Variants in THRB observed in about 807,000 individuals in gnomAD.
THRB encodes thyroid hormone receptor beta, also known as nuclear receptor subfamily 1 group A member 2.
Under a neutral mutation model 47.8 loss-of-function variants are expected in THRB, and 12 were observed. The ratio of observed to expected loss-of-function variants is 0.25; its 90% confidence interval spans 0.16 to 0.41. The LOEUF is 0.41. Among genes scored for constraint, THRB ranks in the 10% least tolerant of loss-of-function variants. THRB has a pLI of 1.00. For synonymous variants in THRB, 218 were observed against 212.2 expected (o/e 1.03, Z -0.24); for missense variants, 348 against 589.2 (o/e 0.59, Z 4.24).
intron 1 of THRB, among the ~76,000 whole-genome samples, chr3:24,413,690 T>C (rs1202011224): frequency 2.0e-5 from 3 of 151,748 alleles, no homozygotes; most frequent in Non-Finnish European, 4.4e-5. Flanking sequence ...TTACATTAGG[T>C]ATACCTCCTA....
intron 3 of THRB, among the ~76,000 whole-genome samples, chr3:24,279,110 G>A (rs1295056622): frequency 6.6e-6 from 1 of 152,144 alleles, no homozygotes; most frequent in Non-Finnish European, 1.5e-5. Context: ...CTCCCAAAGT[G>A]CTGGAATTAC....
intron 4 of THRB, among the ~76,000 whole-genome samples, chr3:24,192,093 G>T (rs1054641194): frequency 2.0e-5 from 3 of 152,150 alleles, no homozygotes; most frequent in African/African-American, 7.2e-5. Flanking sequence ...AATCAAAAAG[G>T]TGTGGACTTC....
intron 1 of THRB, among the ~76,000 whole-genome samples, chr3:24,420,821 C>T (rs1177415298): frequency 1.3e-5 from 2 of 151,794 alleles, no homozygotes; most frequent in African/African-American, 4.8e-5. Context: ...ACAGAAATAC[C>T]ACTCAACTCA....
At chr3:24,152,175 T>C (rs1309909286) in intron 6 of THRB, among the ~76,000 whole-genome samples, 1 of 152,204 alleles carries the variant, frequency 6.6e-6, no homozygotes, top group African/African-American at 2.4e-5. Context: ...AAACCAGACA[T>C]TACACTCATT....
chr3:24,340,318 CCTCCTT>C (rs903899914), intron 1 of THRB, among the ~76,000 whole-genome samples: 4 of 151,912 alleles, frequency 2.6e-5, no homozygotes, highest in Admixed American at 6.6e-5. Flanking sequence ...ATTAATTCCT[CCTCCTT>C]CTCCTTCTCC....
chr3:24,335,342 T>C (rs577732310), intron 2 of THRB, among the ~76,000 whole-genome samples: 5 of 152,298 alleles, frequency 3.3e-5, no homozygotes, highest in African/African-American at 9.6e-5. Flanking sequence ...TTGGTGATTA[T>C]TGAACAAAAA....
intron 3 of THRB, among the ~76,000 whole-genome samples, chr3:24,280,404 C>T (rs1020074489): frequency 1.3e-5 from 2 of 152,124 alleles, no homozygotes; most frequent in Non-Finnish European, 2.9e-5. Flanking sequence ...AACTAACAAA[C>T]AGAAAGGACA....
At chr3:24,241,937 T>A (rs2049560062) in intron 3 of THRB, among the ~76,000 whole-genome samples, 1 of 152,076 alleles carries the variant, frequency 6.6e-6, no homozygotes, top group Admixed American at 6.6e-5. Context: ...AATTAGAAGG[T>A]CTTCAAAAGG....
intron 1 of THRB, among the ~76,000 whole-genome samples, chr3:24,467,151 T>G: frequency 6.6e-6 from 1 of 152,250 alleles, no homozygotes; most frequent in East Asian, 1.9e-4. Context: ...AAGTGACACC[T>G]CTTTCTTTGC....
intron 5 of THRB, among the ~76,000 whole-genome samples, chr3:24,186,372 T>C (rs1042652343): frequency 7.3e-6 from 1 of 137,660 alleles, no homozygotes; most frequent in Non-Finnish European, 1.5e-5. Context: ...GTGGTCCTTA[T>C]GGCTGAGCAA....
intron 1 of THRB, among the ~76,000 whole-genome samples, chr3:24,412,876 A>G (rs571055633): frequency 6.2e-4 from 95 of 152,018 alleles, no homozygotes; most frequent in African/African-American, 2.0e-3. Flanking sequence ...GAAAATTTTA[A>G]AAATGAATAA....
At chr3:24,413,829 C>G (rs2068526072) in intron 1 of THRB, among the ~76,000 whole-genome samples, 1 of 151,698 alleles carries the variant, frequency 6.6e-6, no homozygotes, top group African/African-American at 2.4e-5. Context: ...GAATAGTATG[C>G]AGCCATAAAA....
chr3:24,438,093 T>A (rs532651356), intron 1 of THRB, among the ~76,000 whole-genome samples: 98 of 152,122 alleles, frequency 6.4e-4, no homozygotes, highest in Non-Finnish European at 7.4e-4. Context: ...ACAATTTTTT[T>A]TTTTATTTTA....
chr3:24,367,693 T>C (rs1055268560), intron 1 of THRB, among the ~76,000 whole-genome samples: 6 of 152,214 alleles, frequency 3.9e-5, no homozygotes, highest in Non-Finnish European at 8.8e-5. Context: ...CTTTGAAAAT[T>C]TCCTTTCTTG....
At chr3:24,277,855 T>C (rs1043881457) in intron 3 of THRB, among the ~76,000 whole-genome samples, 5 of 152,354 alleles carry the variant, frequency 3.3e-5, no homozygotes, top group Non-Finnish European at 7.3e-5. Context: ...GATTCAAGCT[T>C]GTTACAATAA....
chr3:24,390,094 TC>T (rs1169750173), intron 1 of THRB, among the ~76,000 whole-genome samples: 1 of 151,948 alleles, frequency 6.6e-6, no homozygotes, highest in Non-Finnish European at 1.5e-5. Flanking sequence ...TACTCAAAGC[TC>T]CCCATACCCC....
chr3:24,280,888 A>C (rs2054512101), intron 3 of THRB, among the ~76,000 whole-genome samples: 1 of 152,220 alleles, frequency 6.6e-6, no homozygotes, highest in Admixed American at 6.5e-5. Flanking sequence ...GTTTAGAGAA[A>C]AAGGAATAAA....
chr3:24,138,382 T>G (rs777195533), intron 8 of THRB, among the ~76,000 whole-genome samples: 5 of 152,092 alleles, frequency 3.3e-5, no homozygotes, highest in Non-Finnish European at 5.9e-5. Flanking sequence ...TGAGCAGGAA[T>G]AAGATGGTGG....
At chr3:24,442,500 C>T (rs952160411) in intron 1 of THRB, among the ~76,000 whole-genome samples, 4 of 152,190 alleles carry the variant, frequency 2.6e-5, no homozygotes, top group Non-Finnish European at 5.9e-5. Context: ...ACAATTACTA[C>T]TTTTGAGGTG....
Sources: gnomAD v4.1 joint callset for allele counts (sites outside exome capture counted in the v4.1 genomes callset) on GRCh38, gnomAD v4.1.1 for gene constraint, MANE v1.5 for transcripts, NCBI Gene and HGNC (gene_info 2026-07-23, HGNC 2026-07-21) for gene names.